The following STXBP5L variants were observed in gnomAD, a reference collection of about 807,000 sequenced individuals.
STXBP5L encodes syntaxin binding protein 5L.
A neutral mutation model predicts 144.5 loss-of-function variants in STXBP5L; 65 were observed. That is an observed-to-expected ratio of 0.45 (90% CI 0.37 to 0.55). The LOEUF (loss-of-function observed/expected upper bound fraction) is 0.55. STXBP5L is among the 20% of genes least tolerant of loss of function. The probability of loss-of-function intolerance (pLI) is 0.00; values close to 1 mark genes in which losing one functional copy is unlikely to be tolerated. For synonymous variants in STXBP5L, 505 were observed against 469.6 expected, an observed-to-expected ratio of 1.08 and a Z score of -0.97; for missense variants, 1,298 against 1,405.5, an observed-to-expected ratio of 0.92 and a Z score of 1.22.
At chr3:121,038,692 A>G (rs1390807073) in intron 3 of STXBP5L, among the ~76,000 whole-genome samples, 1 of 151,912 alleles carries the variant, frequency 6.6e-6, no homozygotes, top group Non-Finnish European at 1.5e-5. Flanking sequence ...AAGGGGTGCT[A>G]AAAACTCGAA....
intron 3 of STXBP5L, among the ~76,000 whole-genome samples, chr3:121,011,855 C>T (rs1944798370): frequency 2.0e-5 from 3 of 151,776 alleles, no homozygotes; most frequent in South Asian, 4.1e-4. Flanking sequence ...GTAAACAATT[C>T]AGTGATTTTG....
At chr3:121,307,897 G>A (rs2043392937) in intron 19 of STXBP5L, among the ~76,000 whole-genome samples, 1 of 151,634 alleles carries the variant, frequency 6.6e-6, no homozygotes, top group Non-Finnish European at 1.5e-5. Flanking sequence ...GCTGAAACAC[G>A]CTACAAGGCA....
At chr3:121,151,408 A>G (rs902718264) in intron 7 of STXBP5L, among the ~76,000 whole-genome samples, 2 of 152,164 alleles carry the variant, frequency 1.3e-5, no homozygotes, top group African/African-American at 4.8e-5. Context: ...TAATGAACTG[A>G]TATTTGAAAC....
At chr3:121,221,343 A>AG (rs1459571800) in intron 10 of STXBP5L, among the ~76,000 whole-genome samples, 9 of 151,932 alleles carry the variant, frequency 5.9e-5, no homozygotes, top group East Asian at 1.9e-4. Flanking sequence ...ACAAAAAAGC[A>AG]GGGGGGGTAA....
intron 10 of STXBP5L, among the ~76,000 whole-genome samples, chr3:121,210,966 A>T (rs1398872972): frequency 6.6e-6 from 1 of 152,202 alleles, no homozygotes; most frequent in Non-Finnish European, 1.5e-5. Flanking sequence ...AATTCTGTGA[A>T]GAAAGTCATT....
chr3:121,204,687 AAAC>A, intron 9 of STXBP5L, among the ~76,000 whole-genome samples: 1 of 152,326 alleles, frequency 6.6e-6, no homozygotes. Context: ...TGTAATAGAT[AAAC>A]AACTGTGGTA....
intron 7 of STXBP5L, among the ~76,000 whole-genome samples, chr3:121,132,563 G>T (rs1303194991): frequency 6.6e-6 from 1 of 152,222 alleles, no homozygotes; most frequent in East Asian, 1.9e-4. Context: ...GACTGAGAGA[G>T]ATGCCTGCTT....
intron 9 of STXBP5L, among the ~76,000 whole-genome samples, chr3:121,159,474 A>G (rs1233754656): frequency 6.6e-6 from 1 of 151,938 alleles, no homozygotes; most frequent in Non-Finnish European, 1.5e-5. Context: ...CCCAACCTCA[A>G]TTTCTAAGCA....
chr3:121,009,246 A>G (rs1944589059), intron 3 of STXBP5L, among the ~76,000 whole-genome samples: 1 of 151,994 alleles, frequency 6.6e-6, no homozygotes, highest in African/African-American at 2.4e-5. Context: ...AGGCATTGAC[A>G]TAAGAAATAA....
chr3:121,126,026 T>G (rs1165210196), intron 7 of STXBP5L, among the ~76,000 whole-genome samples: 2 of 152,110 alleles, frequency 1.3e-5, no homozygotes, highest in African/African-American at 2.4e-5. Flanking sequence ...CTCTTCTGCT[T>G]CTCCCCATGA....
chr3:121,238,951 A>G lies in STXBP5L; in HGVS notation c.1185-20A>G, dbSNP rs968109904. 1.9e-6 allele frequency: 3 copies of G among 1,541,220 alleles called. No individual in the cohort carries two copies. The highest frequency in any genetic ancestry group is 8.8e-7 in the Non-Finnish European group (1 of 1,130,286). ...TTTTTCTTTGTAAAATAACACTGAT[A>G]TATTGTCTTTATCTATTAGTTTTCC... On this transcript the variant is annotated intron_variant, in intron 12 of 26. Transcript: ENST00000471454.
intron 18 of STXBP5L, among the ~76,000 whole-genome samples, chr3:121,274,251 A>G (rs1250889071): frequency 1.3e-5 from 2 of 152,198 alleles, no homozygotes; most frequent in African/African-American, 4.8e-5. Context: ...GTGAATGGCT[A>G]CAAGGGCACC....
intron 5 of STXBP5L, among the ~76,000 whole-genome samples, chr3:121,065,899 A>T (rs2041520143): frequency 6.6e-6 from 1 of 152,090 alleles, no homozygotes; most frequent in Non-Finnish European, 1.5e-5. Flanking sequence ...GAGGGCCTCA[A>T]CTTTTTGCCG....
At chr3:121,239,661 G>A (rs1310134865) in intron 13 of STXBP5L, among the ~76,000 whole-genome samples, 2 of 133,154 alleles carry the variant, frequency 1.5e-5, no homozygotes, top group Non-Finnish European at 3.1e-5. Flanking sequence ...TGAACAATGA[G>A]AACACATGGA....
chr3:120,980,357 TTAGTTCTGG>T (rs1441462245), intron 3 of STXBP5L, among the ~76,000 whole-genome samples: 1 of 152,196 alleles, frequency 6.6e-6, no homozygotes, highest in Non-Finnish European at 1.5e-5. Flanking sequence ...TATTTATCTC[TTAGTTCTGG>T]TAGTGTTTGT....
chr3:121,078,688 A>G (rs2042128618), intron 5 of STXBP5L, among the ~76,000 whole-genome samples: 1 of 152,132 alleles, frequency 6.6e-6, no homozygotes, highest in South Asian at 2.1e-4. Context: ...GCAGGTTCTG[A>G]GCCCTGCCCC....
intron 9 of STXBP5L, among the ~76,000 whole-genome samples, chr3:121,161,310 T>C (rs2046315154): frequency 6.6e-6 from 1 of 151,584 alleles, no homozygotes; most frequent in Non-Finnish European, 1.5e-5. Flanking sequence ...TGACACTTTG[T>C]GTGGGCATGT....
intron 3 of STXBP5L, among the ~76,000 whole-genome samples, chr3:121,010,643 G>A (rs1944703357): frequency 6.6e-6 from 1 of 151,712 alleles, no homozygotes; most frequent in Non-Finnish European, 1.5e-5. Flanking sequence ...TTTACTAATA[G>A]CCTACTGTTG....
chr3:120,979,174 C>T (rs576319693), intron 3 of STXBP5L, among the ~76,000 whole-genome samples: 173 of 152,300 alleles, frequency 1.1e-3, no homozygotes, highest in Non-Finnish European at 1.9e-3. Context: ...GGCAGGCAGG[C>T]CTCCTTGAGC....
Sources: gnomAD v4.1 joint callset for allele counts (sites outside exome capture counted in the v4.1 genomes callset) on GRCh38, gnomAD v4.1.1 for gene constraint, MANE v1.5 for transcripts, NCBI Gene and HGNC (gene_info 2026-07-23, HGNC 2026-07-21) for gene names.